Variants in MAGI1 observed in about 807,000 individuals in gnomAD.
The protein encoded by MAGI1 is membrane-associated guanylate kinase, WW and PDZ domain-containing protein 1.
Under a neutral mutation model 139.9 loss-of-function variants are expected in MAGI1, and 58 were observed. The ratio of observed to expected loss-of-function variants is 0.41; its 90% CI spans 0.34 to 0.52. The LOEUF (loss-of-function observed/expected upper bound fraction) is 0.52. MAGI1 is among the 20% of genes least tolerant of loss of function. The pLI is 0.12. For missense variants in MAGI1, 1,874 were observed against 1,901.6 expected (o/e 0.99, Z 0.27); for synonymous variants, 812 against 737.9 (o/e 1.10, Z -1.63).
intron 2 of MAGI1, among the ~76,000 whole-genome samples, chr3:65,599,542 G>A (rs1439855336): frequency 2.0e-5 from 3 of 152,144 alleles, no homozygotes; most frequent in African/African-American, 7.2e-5. Flanking sequence ...CTGTGTGACT[G>A]TAGATAATTA....
chr3:65,867,953 C>T (rs1009368338), intron 1 of MAGI1, among the ~76,000 whole-genome samples: 1 of 152,110 alleles, frequency 6.6e-6, no homozygotes, highest in African/African-American at 2.4e-5. Context: ...AAAGTGCCTC[C>T]TTGTAACCAC....
chr3:65,989,617 A>C (rs1447339478), intron 1 of MAGI1, among the ~76,000 whole-genome samples: 1 of 151,388 alleles, frequency 6.6e-6, no homozygotes, highest in Non-Finnish European at 1.5e-5. Context: ...GGCTCACTGC[A>C]AACTCCACCT....
At chr3:65,642,163 A>C (rs61538752) in intron 1 of MAGI1, among the ~76,000 whole-genome samples, 1,826 of 152,234 alleles carry the variant, frequency 0.012, 39 homozygotes, top group African/African-American at 0.041. Context: ...ACACAACTCA[A>C]CATGACTGCT....
intron 1 of MAGI1, among the ~76,000 whole-genome samples, chr3:66,019,219 T>A (rs1184484287): frequency 6.6e-6 from 1 of 152,204 alleles, no homozygotes; most frequent in South Asian, 2.1e-4. Context: ...AGTGAATCTA[T>A]GGGGAATTCT....
chr3:65,702,204 A>G (rs72898300), intron 1 of MAGI1, among the ~76,000 whole-genome samples: 2,497 of 152,268 alleles, frequency 0.016, 64 homozygotes, highest in African/African-American at 0.056. Flanking sequence ...TTATATACAT[A>G]TATTTTTTAA....
chr3:65,498,376 C>T (rs1025011282), intron 2 of MAGI1, among the ~76,000 whole-genome samples: 3 of 151,372 alleles, frequency 2.0e-5, no homozygotes, highest in Non-Finnish European at 2.9e-5. Context: ...ATTGGGCCAA[C>T]GATATCTTGC....
At chr3:65,856,232 C>T (rs1407388469) in intron 1 of MAGI1, among the ~76,000 whole-genome samples, 2 of 152,024 alleles carry the variant, frequency 1.3e-5, no homozygotes, top group Non-Finnish European at 2.9e-5. Flanking sequence ...GCATCGCCCT[C>T]GGGTTGGGGA....
At chr3:65,997,842 C>T (rs2066534096) in intron 1 of MAGI1, among the ~76,000 whole-genome samples, 1 of 152,242 alleles carries the variant, frequency 6.6e-6, no homozygotes, top group African/African-American at 2.4e-5. Flanking sequence ...TTCGCCAACT[C>T]TAGTCTCACA....
At chr3:65,389,102 CA>C (rs1204533017) in intron 14 of MAGI1, among the ~76,000 whole-genome samples, 1 of 152,064 alleles carries the variant, frequency 6.6e-6, no homozygotes, top group Non-Finnish European at 1.5e-5. Flanking sequence ...CTCAGCCTCC[CA>C]AAGTGCTGGG....
At chr3:65,610,918 CTATA>C (rs1457889713) in intron 2 of MAGI1, among the ~76,000 whole-genome samples, 1 of 135,070 alleles carries the variant, frequency 7.4e-6, no homozygotes, top group Non-Finnish European at 1.5e-5. Context: ...TATATAGACA[CTATA>C]TAGTAGATAG....
intron 1 of MAGI1, among the ~76,000 whole-genome samples, chr3:65,692,535 G>C (rs72908190): frequency 0.17 from 25,874 of 152,122 alleles, 2,682 homozygotes; most frequent in Non-Finnish European, 0.24. Flanking sequence ...GAGATAGCCA[G>C]TGTCATCACC....
intron 1 of MAGI1, among the ~76,000 whole-genome samples, chr3:65,784,933 C>T (rs1310632077): frequency 3.3e-5 from 5 of 152,026 alleles, no homozygotes; most frequent in African/African-American, 1.2e-4. Flanking sequence ...TTTGTGGCTA[C>T]CTAGGGCTTG....
rs997781131 is a variant in MAGI1 at position 65,506,429 on chromosome 3, C to T, written c.431-12798G>A. On this transcript the variant is annotated intron_variant, in intron 2 of 22. Transcript: ENST00000402939. ...TATGGATCACTTACTATATCTCTAA[C>T]AAAGAGCACAGGTTTTCTATACATA... is the stretch of plus-strand genomic sequence containing the variant. Among the ~76,000 whole-genome samples, 12 of 152,274 alleles carry T rather than the reference C, an allele frequency of 7.9e-5. No homozygotes were observed. In the South Asian group the frequency reaches 1.2e-3, roughly 16 times the overall value.
chr3:65,582,368 A>G (rs1311450448), intron 2 of MAGI1, among the ~76,000 whole-genome samples: 2 of 152,120 alleles, frequency 1.3e-5, no homozygotes, highest in Non-Finnish European at 2.9e-5. Flanking sequence ...CTGGTTATGT[A>G]CTCTACCTAG....
chr3:65,864,927 T>C (rs2059670824), intron 1 of MAGI1, among the ~76,000 whole-genome samples: 1 of 152,158 alleles, frequency 6.6e-6, no homozygotes, highest in South Asian at 2.1e-4. Flanking sequence ...ATCAAAATGA[T>C]AAGACACTAA....
chr3:65,899,485 C>G (rs1339075614), intron 1 of MAGI1, among the ~76,000 whole-genome samples: 1 of 152,154 alleles, frequency 6.6e-6, no homozygotes, highest in Non-Finnish European at 1.5e-5. Context: ...TCAGAAAAAA[C>G]TGAGATCATT....
At chr3:65,489,166 T>G (rs1358205865) in intron 3 of MAGI1, among the ~76,000 whole-genome samples, 1 of 152,154 alleles carries the variant, frequency 6.6e-6, no homozygotes. Context: ...CTCATAGGCT[T>G]GTTAGGAAGA....
intron 1 of MAGI1, among the ~76,000 whole-genome samples, chr3:65,787,954 A>T (rs1241922311): frequency 3.3e-5 from 5 of 152,238 alleles, no homozygotes; most frequent in Non-Finnish European, 7.3e-5. Flanking sequence ...GAGCCAATCA[A>T]GAAAAAAGTT....
chr3:65,901,443 C>G (rs1339386596), intron 1 of MAGI1, among the ~76,000 whole-genome samples: 1 of 152,204 alleles, frequency 6.6e-6, no homozygotes, highest in African/African-American at 2.4e-5. Flanking sequence ...ATACCACATT[C>G]TTTTCCTTTC....
Sources: allele counts gnomAD v4.1 joint callset (sites outside exome capture counted in the v4.1 genomes callset), GRCh38; gene constraint gnomAD v4.1.1; transcripts MANE v1.5; gene names NCBI Gene and HGNC (gene_info 2026-07-23, HGNC 2026-07-21).